GATA3: variants seen among roughly 807,000 people sequenced by gnomAD.
GATA3 encodes trans-acting T-cell-specific transcription factor GATA-3.
A neutral mutation model predicts 36.0 loss-of-function variants in GATA3; 6 were observed. The observed-to-expected ratio is 0.17, with a 90% confidence interval of 0.09 to 0.33. The LOEUF is 0.33. GATA3 is among the 10% of genes least tolerant of loss of function. The pLI is 1.00. For synonymous variants in GATA3, 326 were observed against 273.0 expected (o/e 1.19, Z -1.92); for missense variants, 514 against 610.1 (o/e 0.84, Z 1.66).
intron 3 of GATA3, 125 bp downstream of exon 3, chr10:8,058,966 C>G: frequency 1.2e-6 from 1 of 829,550 alleles, no homozygotes; most frequent in South Asian, 1.7e-5. Flanking sequence ...AGATGCCATT[C>G]TTCCCATTCT....
chr10:8,066,045 G>A (rs1832836667), intron 4 of GATA3, among the ~76,000 whole-genome samples: 1 of 146,444 alleles, frequency 6.8e-6, no homozygotes, highest in Non-Finnish European at 1.5e-5. Context: ...ATGTGTCTTG[G>A]TACCATTATA....
At chr10:8,062,228 G>A (rs112169097) in intron 3 of GATA3, among the ~76,000 whole-genome samples, 2 of 152,064 alleles carry the variant, frequency 1.3e-5, no homozygotes, top group South Asian at 4.2e-4. Flanking sequence ...TTAGGAAGGC[G>A]CCTTTGGCAT....
chr10:8,058,444 G>A lies in GATA3; in HGVS notation c.381G>A (p.Pro127=). ...AGACGTCCATCCACCACGGCTCCCCGGGGCCCCTCTCCGTCTACCCCCCGG... is the reference window on the plus strand; with the variant it reads ...AGACGTCCATCCACCACGGCTCCCCAGGGCCCCTCTCCGTCTACCCCCCGG... ...FSKTSIHHGS[P]GPLSVYPPAS... Residue 127 remains proline, a synonymous_variant, in exon 3 of 6, where the codon CCG becomes CCA. Coordinates refer to ENST00000379328, the MANE Select transcript of GATA3 (RefSeq NM_001002295.2). 1 of 1,612,638 alleles carries A rather than the reference G, an allele frequency of 6.2e-7. No individual in the cohort carries two copies. The highest frequency in any genetic ancestry group is 8.5e-7 in the Non-Finnish European group (1 of 1,179,884).
At chr10:8,059,975 C>G (rs188926501) in intron 3 of GATA3, among the ~76,000 whole-genome samples, 1 of 152,266 alleles carries the variant, frequency 6.6e-6, no homozygotes, top group Non-Finnish European at 1.5e-5. Flanking sequence ...AGAAAGCAAT[C>G]GTGAAAATCA....
intron 3 of GATA3, 126 bp from the exon 4 acceptor site, chr10:8,063,867 C>T: frequency 7.7e-7 from 1 of 1,299,780 alleles, no homozygotes. Flanking sequence ...GGTGGACACG[C>T]TCCCCAAAAG....
intron 3 of GATA3, 46 bp downstream of exon 3, chr10:8,058,887 CT>C: frequency 6.3e-7 from 1 of 1,578,438 alleles, no homozygotes. Flanking sequence ...CCCTCCTCCC[CT>C]TTTCCTCAAT....
At chr10:8,072,912 C>T (rs917334760) in intron 5 of GATA3, among the ~76,000 whole-genome samples, 9 of 151,896 alleles carry the variant, frequency 5.9e-5, no homozygotes, top group African/African-American at 1.9e-4. Flanking sequence ...TTTGGGAGGC[C>T]GAGGTGGGCA....
At position 8,073,747 on chromosome 10, in the gene GATA3, A is replaced by G. The variant is rs104894165; in HGVS notation, c.1059A>G (p.Arg353=). The G allele has an allele frequency of 6.2e-7, 1 of 1,613,456 alleles. No individual in the cohort carries two copies. The stretch of plus-strand genomic sequence containing the variant: ...AATTGATCTTTGTTTAGATTAACAG[A>G]CCCCTGACTATGAAGAAGGAAGGCA... ...GLYYKLHNIN[R]PLTMKKEGIQ... The change falls in exon 6 of 6, where the codon AGA becomes AGG. Residue 353 remains arginine, a synonymous_variant. Transcript: ENST00000379328.
At chr10:8,063,866 G>A (rs557031731) in intron 3 of GATA3, 127 bp from the exon 4 acceptor site, 23 of 1,269,204 alleles carry the variant, frequency 1.8e-5, no homozygotes, top group South Asian at 7.5e-5. Flanking sequence ...GGGTGGACAC[G>A]CTCCCCAAAA....
At chr10:8,060,846 C>T (rs1028542304) in intron 3 of GATA3, among the ~76,000 whole-genome samples, 5 of 152,098 alleles carry the variant, frequency 3.3e-5, no homozygotes, top group African/African-American at 1.2e-4. Flanking sequence ...GTTTTTTTGG[C>T]GAGGAGGAGA....
At chr10:8,052,038 G>A (rs775719149), upstream of GATA3, among the ~76,000 whole-genome samples, 40 of 152,318 alleles carry the variant, frequency 2.6e-4, no homozygotes, top group Non-Finnish European at 4.1e-4. Flanking sequence ...CAAACCCAGT[G>A]TGGCGTCGGC....
upstream of GATA3, among the ~76,000 whole-genome samples, chr10:8,051,840 C>T (rs1043367548): frequency 2.6e-4 from 40 of 152,038 alleles, no homozygotes; most frequent in African/African-American, 9.2e-4. Context: ...TGGCCTGGCC[C>T]GGACCCCCGC....
intron 1 of GATA3, chr10:8,045,557 C>T (rs1246570032): frequency 6.6e-6 from 1 of 152,330 alleles, no homozygotes; most frequent in Non-Finnish European, 1.5e-5. Context: ...CTCCGCACTC[C>T]CTCTGCCCGC....
At position 8,074,118 on chromosome 10, in the gene GATA3, C is replaced by T. The variant is rs1018240738; in HGVS notation, c.*95C>T. On this transcript the variant is annotated 3_prime_UTR_variant, in exon 6 of 6. Coordinates refer to ENST00000379328, the MANE Select transcript of GATA3 (RefSeq NM_001002295.2). ...GGAGCAGTATCATGAAGCCTAAACG[C>T]GATGGATATATGTTTTTGAAGGCAG... 2.9e-5 allele frequency: 41 copies of T among 1,393,096 alleles called. 3 individuals are homozygous for T. The South Asian group carries it at 4.2e-4, about 14-fold the overall frequency. The allele number at this position is 1,393,096 out of a possible 1,614,324, so 86.3% of individuals were successfully genotyped here. A position where few individuals can be genotyped will look rare whatever the true frequency, so the allele number is the denominator to read the frequency against.
rs913774132 is a variant in GATA3, at chr10:8,055,746, C to T, written c.91C>T (p.Leu31Phe). The T allele has an allele frequency of 6.3e-7, 1 of 1,579,822 alleles. No individual in the cohort carries two copies. Among genetic ancestry groups the T allele is most frequent in the Non-Finnish European group, 8.6e-7 (1 of 1,162,990 alleles). The change falls in exon 2 of 6, where the codon CTC becomes TTC. Residue 31 changes from leucine to phenylalanine, a missense_variant. By Grantham distance (22) the Leu-to-Phe change is conservative. Around this residue, in one of 3 missense-constraint regions of GATA3, gnomAD observed 381 missense variants for 354.3 expected, o/e 1.08. Transcript: ENST00000379328. This position sits in a 1 kb window ranked among gnomAD's most constrained non-coding sequence, Gnocchi z 5.4. ...GQHPDTHHPG[L>F]SHSYMDAAQY... ...GCACCCGGACACGCACCACCCGGGC[C>T]TCAGCCACTCCTACATGGACGCGGC...
At chr10:8,048,488 G>A (rs1237106495) in intron 1 of GATA3, among the ~76,000 whole-genome samples, 1 of 152,198 alleles carries the variant, frequency 6.6e-6, no homozygotes, top group Non-Finnish European at 1.5e-5. Flanking sequence ...TCTAGAAGTA[G>A]CAAGCCCCTG....
At chr10:8,065,242 G>A (rs1832815743) in intron 4 of GATA3, among the ~76,000 whole-genome samples, 1 of 143,550 alleles carries the variant, frequency 7.0e-6, no homozygotes. Context: ...TTTGAAGAAG[G>A]AAAAACTTTC....
Position 8,055,550 on chromosome 10 carries a change from CCCGACCCT to C in GATA3, c.-100_-93del. ...ACCGAAAGCAAATCATTCAACGACC[CCCGACCCT>C]CCGACGGCAGGAGCCCCCCGACCTC... On this transcript the variant is annotated 5_prime_UTR_variant, in exon 2 of 6. Transcript: ENST00000379328. This position sits in a 1 kb window ranked among gnomAD's most constrained non-coding sequence, Gnocchi z 5.4. The C allele has an allele frequency of 7.5e-7, 1 of 1,327,712 alleles. No homozygotes were observed. The highest frequency in any genetic ancestry group is 1.0e-6 in the Non-Finnish European group (1 of 973,982). The allele number at this position is 1,327,712 out of a possible 1,614,324, so 82.2% of individuals were successfully genotyped here.
intron 3 of GATA3, among the ~76,000 whole-genome samples, chr10:8,062,720 T>C (rs1172974451): frequency 1.3e-5 from 2 of 152,186 alleles, no homozygotes; most frequent in African/African-American, 4.8e-5. Context: ...CTCATTTTTC[T>C]TCCCTACCTA....
Sources: gnomAD v4.1 joint callset for allele counts (sites outside exome capture counted in the v4.1 genomes callset) on GRCh38, gnomAD v4.1.1 for gene constraint, gnomAD v4.1.1 regional missense constraint, Gnocchi (gnomAD v3.1) non-coding constraint, MANE v1.5 for transcripts, NCBI Gene and HGNC (gene_info 2026-07-23, HGNC 2026-07-21) for gene names.